Variants in LRRC4C observed in about 807,000 individuals in gnomAD.
LRRC4C encodes leucine rich repeat containing 4C.
Under a neutral mutation model 33.6 loss-of-function variants are expected in LRRC4C, and 5 were observed. The observed-to-expected ratio is 0.15, with a 90% CI of 0.08 to 0.31. The LOEUF (loss-of-function observed/expected upper bound fraction) is 0.31, where lower values mean the gene tolerates loss of function less well. Among genes scored for constraint, LRRC4C ranks in the 10% least tolerant of loss-of-function variants. LRRC4C has a pLI of 1.00. For missense variants in LRRC4C, 560 were observed against 796.7 expected, an observed-to-expected ratio of 0.70 and a Z score of 3.58; for synonymous variants, 329 against 302.0, an observed-to-expected ratio of 1.09 and a Z score of -0.93.
At chr11:41,439,436 T>C (rs1695744105) in intron 1 of LRRC4C, among the ~76,000 whole-genome samples, 1 of 152,212 alleles carries the variant, frequency 6.6e-6, no homozygotes, top group African/African-American at 2.4e-5. Context: ...TTTTAGCTCT[T>C]TGAGAAATCT....
At position 40,865,780 on chromosome 11, in the gene LRRC4C, C is replaced by T. The variant is rs181995730; in HGVS notation, c.-407+67855G>A. Among the ~76,000 whole-genome samples, 130 of 151,516 alleles carry T rather than the reference C, an allele frequency of 8.6e-4. 1 individual carries two copies. In the East Asian group the frequency reaches 0.021, roughly 25 times the overall value. On this transcript the variant is annotated intron_variant, in intron 2 of 6. Coordinates refer to ENST00000528697, the MANE Select transcript of LRRC4C (RefSeq NM_001258419.2). ...CCTTTGGGTAAAGGTAAATATTTTT[C>T]CTATATAAAATACAGAGTGCAAATA...
chr11:40,562,719 C>T (rs889389283), intron 3 of LRRC4C, among the ~76,000 whole-genome samples: 31 of 152,208 alleles, frequency 2.0e-4, no homozygotes, highest in African/African-American at 6.8e-4. Flanking sequence ...GCTGCAACTT[C>T]AGACCCTCTG....
At chr11:40,947,460 AGTCTTT>A (rs1958456374) in intron 1 of LRRC4C, among the ~76,000 whole-genome samples, 1 of 151,976 alleles carries the variant, frequency 6.6e-6, no homozygotes, top group Non-Finnish European at 1.5e-5. Context: ...TACTGAGGCA[AGTCTTT>A]TTTGTATATG....
intron 3 of LRRC4C, among the ~76,000 whole-genome samples, chr11:40,472,344 C>T (rs192455662): frequency 6.6e-6 from 1 of 151,188 alleles, no homozygotes; most frequent in Non-Finnish European, 1.5e-5. Context: ...ACTGAAGAAC[C>T]TGCTCCTGAA....
intron 4 of LRRC4C, among the ~76,000 whole-genome samples, chr11:40,289,444 T>G (rs923227704): frequency 3.9e-5 from 6 of 152,200 alleles, no homozygotes; most frequent in African/African-American, 1.4e-4. Context: ...AGGAAGAAGA[T>G]ATTTGAAAAC....
At chr11:40,120,454 T>C (rs542282990) in intron 6 of LRRC4C, among the ~76,000 whole-genome samples, 1 of 152,146 alleles carries the variant, frequency 6.6e-6, no homozygotes, top group African/African-American at 2.4e-5. Context: ...AAATTTATCA[T>C]TTGAGTGATT....
intron 2 of LRRC4C, among the ~76,000 whole-genome samples, chr11:40,845,652 T>C (rs1953122808): frequency 6.6e-6 from 1 of 152,318 alleles, no homozygotes; most frequent in South Asian, 2.1e-4. Flanking sequence ...CCTGTGCATG[T>C]GTCTTTATAG....
At chr11:40,681,158 T>C (rs1298940066) in intron 2 of LRRC4C, among the ~76,000 whole-genome samples, 1 of 152,162 alleles carries the variant, frequency 6.6e-6, no homozygotes, top group African/African-American at 2.4e-5. Flanking sequence ...GCAGAGGTAA[T>C]ATAAACATTT....
At chr11:40,653,147 C>G (rs1942905895) in intron 2 of LRRC4C, among the ~76,000 whole-genome samples, 1 of 152,030 alleles carries the variant, frequency 6.6e-6, no homozygotes. Flanking sequence ...TGAGAATGTA[C>G]TAATATAGTT....
chr11:40,878,343 T>G (rs1023978214), intron 2 of LRRC4C, among the ~76,000 whole-genome samples: 1 of 152,106 alleles, frequency 6.6e-6, no homozygotes, highest in African/African-American at 2.4e-5. Flanking sequence ...AGCAATTGAT[T>G]TATTATGGTC....
intron 1 of LRRC4C, among the ~76,000 whole-genome samples, chr11:41,186,701 A>G (rs956251293): frequency 5.3e-5 from 8 of 152,148 alleles, no homozygotes; most frequent in African/African-American, 1.9e-4. Flanking sequence ...TTCACCCACT[A>G]TTTATCTAGT....
chr11:40,969,582 A>G (rs534102769), intron 1 of LRRC4C, among the ~76,000 whole-genome samples: 1 of 152,288 alleles, frequency 6.6e-6, no homozygotes, highest in East Asian at 1.9e-4. Flanking sequence ...CACCCTGATC[A>G]GTCAGCAACT....
chr11:41,072,633 A>G (rs891805596), intron 1 of LRRC4C, among the ~76,000 whole-genome samples: 3 of 151,956 alleles, frequency 2.0e-5, no homozygotes, highest in African/African-American at 7.3e-5. Flanking sequence ...AGTCAATGAG[A>G]CCTCATTTCT....
intron 1 of LRRC4C, among the ~76,000 whole-genome samples, chr11:41,025,715 C>T (rs12798792): frequency 0.72 from 109,667 of 151,428 alleles, 39,978 homozygotes; most frequent in South Asian, 0.78. Flanking sequence ...GTGGCTACAC[C>T]AAACAACAGA....
intron 2 of LRRC4C, among the ~76,000 whole-genome samples, chr11:40,831,938 T>C (rs1052110134): frequency 7.2e-5 from 11 of 152,058 alleles, no homozygotes; most frequent in African/African-American, 2.7e-4. Context: ...CCAAACCATA[T>C]CATAAAATAG....
chr11:40,788,809 T>G (rs977201370), intron 2 of LRRC4C, among the ~76,000 whole-genome samples: 1 of 152,062 alleles, frequency 6.6e-6, no homozygotes, highest in Admixed American at 6.6e-5. Flanking sequence ...AAAATGCATA[T>G]TAGGCCGGGC....
chr11:40,682,587 C>T (rs1944746638), intron 2 of LRRC4C, among the ~76,000 whole-genome samples: 1 of 152,008 alleles, frequency 6.6e-6, no homozygotes, highest in Admixed American at 6.6e-5. Context: ...ACCAGCCTGG[C>T]CCAAATGGCG....
At chr11:41,143,346 C>G (rs577771758) in intron 1 of LRRC4C, among the ~76,000 whole-genome samples, 2 of 152,130 alleles carry the variant, frequency 1.3e-5, no homozygotes, top group East Asian at 3.9e-4. Context: ...AAGGTACCTA[C>G]TTTGTACTAA....
chr11:40,701,397 C>T (rs72896636), intron 2 of LRRC4C, among the ~76,000 whole-genome samples: 1,669 of 151,804 alleles, frequency 0.011, 21 homozygotes, highest in Non-Finnish European at 0.018. Flanking sequence ...TGTTTAACAA[C>T]ATGAAAAATA....
Sources: allele counts gnomAD v4.1 joint callset (sites outside exome capture counted in the v4.1 genomes callset), GRCh38; gene constraint gnomAD v4.1.1; transcripts MANE v1.5; gene names NCBI Gene and HGNC (gene_info 2026-07-23, HGNC 2026-07-21).